Variants in SMC6 observed in about 807,000 individuals in gnomAD.
SMC6 encodes the protein structural maintenance of chromosomes 6, also known as structural maintenance of chromosomes protein 6.
SMC6 carries 79 observed loss-of-function variants against 142.2 expected under a neutral mutation model. The ratio of observed to expected loss-of-function variants is 0.56; its 90% CI spans 0.46 to 0.67. The LOEUF is 0.67. SMC6 is among the 30% of genes least tolerant of loss of function. SMC6 has a pLI of 0.00. For missense variants in SMC6, 1,072 were observed against 1,284.0 expected, an observed-to-expected ratio of 0.83 and a Z score of 2.52; for synonymous variants, 411 against 412.4, an observed-to-expected ratio of 1.00 and a Z score of 0.04.
intron 18 of SMC6, among the ~76,000 whole-genome samples, chr2:17,706,346 T>TG (rs1668506273): frequency 6.6e-6 from 1 of 152,028 alleles, no homozygotes; most frequent in Non-Finnish European, 1.5e-5. Context: ...AACACCAAGG[T>TG]GCTAGTCATT....
rs939584196 is a variant in SMC6 at position 17,663,958 on chromosome 2, T to C, written c.*1541A>G. On this transcript the variant is annotated 3_prime_UTR_variant, in exon 28 of 28. Transcript: ENST00000448223. ...CTTATGATAGTTGAAATCAAAACTTTGTGAGGCCAAAGCAATGAATAATCT... is the reference window on the plus strand; with the variant it reads ...CTTATGATAGTTGAAATCAAAACTTCGTGAGGCCAAAGCAATGAATAATCT... 5.9e-5 allele frequency: 9 copies of C among 152,184 alleles called. No homozygotes were observed. The highest frequency in any genetic ancestry group is 2.2e-4 in the African/African-American group (9 of 41,434). 9.4% of individuals were successfully genotyped at this position (152,184 alleles called of 1,614,324 possible). A position where few individuals can be genotyped will look rare whatever the true frequency, so the allele number is the denominator to read the frequency against.
intron 23 of SMC6, among the ~76,000 whole-genome samples, chr2:17,689,816 T>A (rs1667622400): frequency 6.6e-6 from 1 of 152,254 alleles, no homozygotes; most frequent in African/African-American, 2.4e-5. Context: ...TGTAAATAGT[T>A]GTTACACTGT....
At chr2:17,744,259 C>T (rs1025968638) in intron 3 of SMC6, among the ~76,000 whole-genome samples, 2 of 151,960 alleles carry the variant, frequency 1.3e-5, no homozygotes, top group Non-Finnish European at 2.9e-5. Flanking sequence ...TGAACTATTG[C>T]CATTTTATCA....
chr2:17,695,992 G>A (rs572532992), intron 22 of SMC6, among the ~76,000 whole-genome samples: 1 of 152,242 alleles, frequency 6.6e-6, no homozygotes, highest in South Asian at 2.1e-4. Context: ...GGACACTCAA[G>A]GGCTATCCGC....
At chr2:17,689,177 C>T (rs1213137490) in intron 23 of SMC6, among the ~76,000 whole-genome samples, 1 of 152,150 alleles carries the variant, frequency 6.6e-6, no homozygotes, top group African/African-American at 2.4e-5. Context: ...TTATGTGCCT[C>T]TGGATGTGAT....
chr2:17,708,015 C>T (rs1031587483), intron 17 of SMC6, among the ~76,000 whole-genome samples: 2 of 151,652 alleles, frequency 1.3e-5, no homozygotes, highest in Admixed American at 1.3e-4. Context: ...CACACACACA[C>T]ACACACACAC....
chr2:17,708,726 T>G lies in SMC6; in HGVS notation c.1758A>C (p.Thr586=). The change falls in exon 17 of 28, where the codon ACA becomes ACC. Residue 586 remains threonine, a synonymous_variant. Coordinates refer to ENST00000448223, the MANE Select transcript of SMC6 (RefSeq NM_001142286.2). ...TATCTATTTCTAAAGCTGTCAGAACTGTTGGAAAGTCTGGATGATAAGCAG... is the reference window on the plus strand; with the variant it reads ...TATCTATTTCTAAAGCTGTCAGAACGGTTGGAAAGTCTGGATGATAAGCAG... ...HRAAYHPDFP[T]VLTALEIDNA... The G allele has an allele frequency of 6.5e-7, 1 of 1,543,256 alleles. No homozygotes were observed. Among genetic ancestry groups the G allele is most frequent in the Non-Finnish European group, 8.7e-7 (1 of 1,143,126 alleles).
intron 23 of SMC6, among the ~76,000 whole-genome samples, chr2:17,687,305 C>T (rs1285601006): frequency 6.6e-6 from 1 of 152,174 alleles, no homozygotes; most frequent in African/African-American, 2.4e-5. Flanking sequence ...TTCACTGCAG[C>T]ATTATCTGTA....
chr2:17,683,561 C>T (rs772175246), intron 24 of SMC6, 77 bp downstream of exon 24: 11 of 1,298,016 alleles, frequency 8.5e-6, no homozygotes, highest in Non-Finnish European at 1.2e-5. Context: ...TCTGCTATAA[C>T]AGAATTATAT....
chr2:17,751,578 T>C (rs1013581982), intron 2 of SMC6, among the ~76,000 whole-genome samples: 1 of 151,840 alleles, frequency 6.6e-6, no homozygotes, highest in Non-Finnish European at 1.5e-5. Context: ...TACTCTGCAA[T>C]GGAGAAAGAT....
At chr2:17,708,866 A>G (rs922207126) in intron 16 of SMC6, 113 bp from the exon 17 acceptor site, 1 of 306,382 alleles carries the variant, frequency 3.3e-6, no homozygotes, top group Non-Finnish European at 5.8e-6. Flanking sequence ...ATATATTTGT[A>G]ATGGGGGAAA....
intron 25 of SMC6, among the ~76,000 whole-genome samples, chr2:17,674,372 C>G (rs1666908016): frequency 6.6e-6 from 1 of 152,074 alleles, no homozygotes; most frequent in Non-Finnish European, 1.5e-5. Context: ...TTAAGGTTAT[C>G]TGTTATTTCT....
intron 16 of SMC6, among the ~76,000 whole-genome samples, chr2:17,711,177 AC>A (rs1668809350): frequency 6.6e-6 from 1 of 152,102 alleles, no homozygotes; most frequent in South Asian, 2.1e-4. Context: ...AGCTGTTACT[AC>A]CAGTTTCCTC....
intron 25 of SMC6, among the ~76,000 whole-genome samples, chr2:17,678,441 C>A (rs1016496103): frequency 2.0e-5 from 3 of 151,972 alleles, no homozygotes; most frequent in African/African-American, 7.2e-5. Context: ...AAATCAAAGA[C>A]AACAGGTTAA....
intron 25 of SMC6, among the ~76,000 whole-genome samples, chr2:17,676,105 G>C (rs1320458370): frequency 6.6e-6 from 1 of 152,058 alleles, no homozygotes; most frequent in Non-Finnish European, 1.5e-5. Flanking sequence ...TGTGTCTTCT[G>C]TTGTGTCCAG....
intron 12 of SMC6, 57 bp from the exon 13 acceptor site, chr2:17,717,233 C>G (rs1047603951): frequency 1.9e-5 from 25 of 1,289,100 alleles, no homozygotes; most frequent in Non-Finnish European, 2.7e-5. Flanking sequence ...ATCCCATTCA[C>G]GTCCACTTTT....
chr2:17,725,003 A>T (rs1669545504), intron 9 of SMC6, among the ~76,000 whole-genome samples: 1 of 152,208 alleles, frequency 6.6e-6, no homozygotes, highest in African/African-American at 2.4e-5. Context: ...AGTATGTAAG[A>T]TACTGCCCTG....
chr2:17,697,777 A>G (rs2124924556), intron 21 of SMC6, among the ~76,000 whole-genome samples: 1 of 152,240 alleles, frequency 6.6e-6, no homozygotes, highest in South Asian at 2.1e-4. Context: ...TCACTTTGGA[A>G]AAGTTTCAAA....
In SMC6 at chr2:17,714,984, C is replaced by T; in HGVS notation, c.1607G>A (p.Cys536Tyr). The change falls in exon 16 of 28, where the codon TGC becomes TAC. Residue 536 changes from cysteine (C) to tyrosine (Y), a missense_variant. Cys to Tyr is a radical substitution (Grantham distance 194). Coordinates refer to ENST00000448223, the MANE Select transcript of SMC6 (RefSeq NM_001142286.2). ...GACCCTTTCATCAGCATGATTATGG[C>T]AACAATAGGCCTGCAGAAGCCCTTT... ...CLKGLLQAYCCHNHADERVLQ... is the reference protein window; with the variant it reads ...CLKGLLQAYCYHNHADERVLQ... 6.2e-7 allele frequency: 1 copy of T among 1,613,940 alleles called. No individual in the cohort carries two copies. The highest frequency in any genetic ancestry group is 8.5e-7 in the Non-Finnish European group (1 of 1,179,946).
Sources: gnomAD v4.1 joint callset for allele counts (sites outside exome capture counted in the v4.1 genomes callset) on GRCh38, gnomAD v4.1.1 for gene constraint, MANE v1.5 for transcripts, NCBI Gene and HGNC (gene_info 2026-07-23, HGNC 2026-07-21) for gene names.